RPS6KC1: variants seen among roughly 807,000 people sequenced by gnomAD.
RPS6KC1 encodes inactive ribosomal protein S6 kinase delta-1.
A neutral mutation model predicts 103.8 loss-of-function variants in RPS6KC1; 54 were observed. That is an observed-to-expected ratio of 0.52 (90% CI 0.42 to 0.65). The LOEUF is 0.65. Among genes scored for constraint, RPS6KC1 ranks in the 30% least tolerant of loss-of-function variants. The pLI, the probability that RPS6KC1 is intolerant of heterozygous loss-of-function variation, is 0.00. For missense variants in RPS6KC1, 1,151 were observed against 1,253.8 expected (o/e 0.92, Z 1.24); for synonymous variants, 439 against 438.7 (o/e 1.00, Z -0.01).
chr1:213,630,946 CAG>C, the RPS6KC1 span, among the ~76,000 whole-genome samples: 1 of 152,206 alleles, frequency 6.6e-6, no homozygotes, highest in African/African-American at 2.4e-5. Flanking sequence ...AGTTTTGTCT[CAG>C]AGGAGTACCT....
At chr1:213,792,444 A>G in the RPS6KC1 span, among the ~76,000 whole-genome samples, 1 of 152,082 alleles carries the variant, frequency 6.6e-6, no homozygotes, top group Admixed American at 6.5e-5. Context: ...GTCTGACAAA[A>G]ACCCAGGTTA....
At chr1:213,473,997 T>G in the RPS6KC1 span, among the ~76,000 whole-genome samples, 1 of 152,164 alleles carries the variant, frequency 6.6e-6, no homozygotes, top group African/African-American at 2.4e-5. Context: ...AGCCCGAATC[T>G]AAGAACCAAG....
the RPS6KC1 span, among the ~76,000 whole-genome samples, chr1:213,435,754 C>A: frequency 6.6e-6 from 1 of 152,174 alleles, no homozygotes; most frequent in African/African-American, 2.4e-5. Context: ...TGGGTAATTT[C>A]CTGACACACA....
At chr1:213,839,446 T>C in the RPS6KC1 span, among the ~76,000 whole-genome samples, 2 of 152,320 alleles carry the variant, frequency 1.3e-5, no homozygotes, top group Admixed American at 6.5e-5. Context: ...CTTTATGTCA[T>C]AGTGATGTCT....
At chr1:213,475,461 G>A in the RPS6KC1 span, among the ~76,000 whole-genome samples, 1 of 152,064 alleles carries the variant, frequency 6.6e-6, no homozygotes, top group Non-Finnish European at 1.5e-5. Flanking sequence ...TCTCTTCTCT[G>A]GACCTGGGTT....
chr1:213,614,825 G>T, the RPS6KC1 span, among the ~76,000 whole-genome samples: 1 of 152,122 alleles, frequency 6.6e-6, no homozygotes, highest in African/African-American at 2.4e-5. Context: ...AAACCTTCAG[G>T]ATTGTGATCC....
At position 213,117,573 on chromosome 1, in the gene RPS6KC1, C is replaced by T. The variant is rs74140565; in HGVS notation, c.472+163C>T. Among the ~76,000 whole-genome samples, 366 of 151,002 alleles carry T rather than the reference C, an allele frequency of 2.4e-3. 1 individual carries two copies. Among genetic ancestry groups the T allele is most frequent in the Middle Eastern group, 0.021 (6 of 288 alleles). On this transcript the variant is annotated intron_variant, in intron 5 of 14. Transcript: ENST00000366960. ...ATTTTATTATCACTGATGTTGGGTG[C>T]ATGATATTGGGTCAGGCATATCTCA...
the RPS6KC1 span, among the ~76,000 whole-genome samples, chr1:213,521,748 C>G: frequency 6.6e-6 from 1 of 152,226 alleles, no homozygotes; most frequent in East Asian, 1.9e-4. Flanking sequence ...CTTTGCTCAT[C>G]CATAAGAAGC....
the RPS6KC1 span, chr1:213,492,430 G>A: frequency 1.3e-5 from 2 of 152,218 alleles, no homozygotes; most frequent in African/African-American, 2.4e-5. Flanking sequence ...ACAGAGCCTT[G>A]TGGTATAGAG....
intron 6 of RPS6KC1, among the ~76,000 whole-genome samples, chr1:213,140,737 C>T (rs1389134821): frequency 6.6e-6 from 1 of 151,796 alleles, no homozygotes; most frequent in African/African-American, 2.4e-5. Context: ...ATTCCTTTTG[C>T]TAGTATTTTA....
the RPS6KC1 span, among the ~76,000 whole-genome samples, chr1:213,416,469 T>A: frequency 6.6e-6 from 1 of 152,198 alleles, no homozygotes; most frequent in African/African-American, 2.4e-5. Flanking sequence ...AAAGGCAGGC[T>A]GTGAGTAGTG....
chr1:213,499,246 T>C, the RPS6KC1 span, among the ~76,000 whole-genome samples: 1 of 152,306 alleles, frequency 6.6e-6, no homozygotes, highest in African/African-American at 2.4e-5. Context: ...ACAACTGGAA[T>C]GGAGTTGACA....
chr1:213,171,826 G>GA (rs1388626534), intron 7 of RPS6KC1, among the ~76,000 whole-genome samples: 2 of 152,196 alleles, frequency 1.3e-5, no homozygotes, highest in African/African-American at 2.4e-5. Context: ...CGGCTCAGGA[G>GA]ACGGGGTATT....
chr1:213,629,225 T>C, the RPS6KC1 span, among the ~76,000 whole-genome samples: 2 of 152,144 alleles, frequency 1.3e-5, no homozygotes, highest in African/African-American at 4.8e-5. Context: ...TCTAAGTCTC[T>C]TTGTAGGTCT....
At chr1:213,480,516 G>A in the RPS6KC1 span, among the ~76,000 whole-genome samples, 1 of 152,006 alleles carries the variant, frequency 6.6e-6, no homozygotes, top group African/African-American at 2.4e-5. Flanking sequence ...TAGTTTATCT[G>A]CAAATAATGA....
At chr1:213,801,868 C>T in the RPS6KC1 span, among the ~76,000 whole-genome samples, 2 of 152,164 alleles carry the variant, frequency 1.3e-5, no homozygotes, top group Admixed American at 6.5e-5. Context: ...GAGAATGGAA[C>T]AACTTGGAGA....
At chr1:213,527,000 C>G in the RPS6KC1 span, among the ~76,000 whole-genome samples, 2 of 152,164 alleles carry the variant, frequency 1.3e-5, no homozygotes, top group Non-Finnish European at 2.9e-5. Flanking sequence ...GACATCTATT[C>G]ACAGCCTCAC....
the RPS6KC1 span, among the ~76,000 whole-genome samples, chr1:213,744,140 G>A: frequency 6.6e-6 from 1 of 152,038 alleles, no homozygotes; most frequent in African/African-American, 2.4e-5. Flanking sequence ...AAAGGGAGTG[G>A]AGGGCGAGGG....
chr1:213,137,777 C>CTCTATATATATATA (rs1387641875), intron 6 of RPS6KC1, among the ~76,000 whole-genome samples: 1 of 63,594 alleles, frequency 1.6e-5, no homozygotes, highest in African/African-American at 1.1e-4. Context: ...CTCTCTCTCT[C>CTCTATATATATATA]TATATATATA....
Sources: gnomAD v4.1 joint callset for allele counts (sites outside exome capture counted in the v4.1 genomes callset) on GRCh38, gnomAD v4.1.1 for gene constraint, MANE v1.5 for transcripts, NCBI Gene and HGNC (gene_info 2026-07-23, HGNC 2026-07-21) for gene names.